Variants in DPP10 observed in about 807,000 individuals in gnomAD.
DPP10 encodes dipeptidyl peptidase like 10.
DPP10 carries 33 observed loss-of-function variants against 120.9 expected under a neutral mutation model. The ratio of observed to expected loss-of-function variants is 0.27; its 90% CI spans 0.21 to 0.37. DPP10 has a LOEUF of 0.37. Ranked by LOEUF, DPP10 falls within the 10% of genes least tolerant of loss-of-function variation. The pLI is 1.00. For missense variants in DPP10, 816 were observed against 942.8 expected (o/e 0.87, Z 1.76); for synonymous variants, 337 against 326.1 (o/e 1.03, Z -0.36).
intron 1 of DPP10, among the ~76,000 whole-genome samples, chr2:115,229,756 G>C (rs1485466867): frequency 7.6e-6 from 1 of 130,728 alleles, no homozygotes; most frequent in Non-Finnish European, 1.7e-5. Flanking sequence ...TATTCTATTG[G>C]TCTATGTTTC....
At chr2:115,120,668 T>C (rs1017798832) in intron 1 of DPP10, among the ~76,000 whole-genome samples, 2 of 152,206 alleles carry the variant, frequency 1.3e-5, no homozygotes, top group South Asian at 2.1e-4. Flanking sequence ...TAATAACCTT[T>C]ACAATTTTAC....
chr2:115,309,148 T>C (rs2061480914), intron 1 of DPP10, 91 bp from the exon 2 acceptor site: 9 of 945,650 alleles, frequency 9.5e-6, no homozygotes, highest in Non-Finnish European at 1.6e-6. Context: ...GCTTTCAAAC[T>C]GTGATTGTGC....
chr2:114,575,588 A>G (rs1466423532), intron 1 of DPP10, among the ~76,000 whole-genome samples: 1 of 152,216 alleles, frequency 6.6e-6, no homozygotes, highest in African/African-American at 2.4e-5. Context: ...TGCATCTTAT[A>G]TGAATTAATA....
At chr2:115,024,267 G>A (rs759338127) in intron 1 of DPP10, among the ~76,000 whole-genome samples, 22 of 152,058 alleles carry the variant, frequency 1.4e-4, no homozygotes, top group Admixed American at 2.0e-4. Flanking sequence ...AATCTTAACA[G>A]TCTCCTATTT....
chr2:115,475,143 C>A (rs897725600), intron 3 of DPP10, among the ~76,000 whole-genome samples: 5 of 152,122 alleles, frequency 3.3e-5, no homozygotes, highest in Non-Finnish European at 5.9e-5. Context: ...ATTTCAGAGA[C>A]CTCCATGGCA....
chr2:115,340,702 G>C (rs1208981001), intron 2 of DPP10, among the ~76,000 whole-genome samples: 1 of 151,286 alleles, frequency 6.6e-6, no homozygotes, highest in Non-Finnish European at 1.5e-5. Flanking sequence ...AACTCATTAG[G>C]AACAAACTAA....
intron 1 of DPP10, among the ~76,000 whole-genome samples, chr2:115,097,295 T>G (rs2048450100): frequency 6.6e-6 from 1 of 152,202 alleles, no homozygotes; most frequent in Non-Finnish European, 1.5e-5. Context: ...TGATTCCAGT[T>G]AAAGACCAAA....
intron 1 of DPP10, among the ~76,000 whole-genome samples, chr2:114,631,415 A>T (rs1359505152): frequency 6.6e-6 from 1 of 152,164 alleles, no homozygotes; most frequent in Non-Finnish European, 1.5e-5. Flanking sequence ...GGGAGGAGTT[A>T]ACAGGAGAAA....
intron 1 of DPP10, among the ~76,000 whole-genome samples, chr2:114,461,238 A>C (rs13426538): frequency 0.065 from 9,841 of 152,250 alleles, 552 homozygotes; most frequent in African/African-American, 0.15. Flanking sequence ...TTGTGAAGTT[A>C]GGAATTGGCT....
intron 1 of DPP10, among the ~76,000 whole-genome samples, chr2:115,133,235 G>C (rs1046758449): frequency 9.8e-5 from 14 of 142,180 alleles, no homozygotes; most frequent in African/African-American, 3.7e-4. Flanking sequence ...CTGGAGTGCA[G>C]TGGTGAAATC....
At chr2:115,375,500 C>A (rs2065725718) in intron 3 of DPP10, among the ~76,000 whole-genome samples, 1 of 152,192 alleles carries the variant, frequency 6.6e-6, no homozygotes, top group Non-Finnish European at 1.5e-5. Flanking sequence ...CTTCTGACCC[C>A]TCCAAATTGC....
intron 1 of DPP10, among the ~76,000 whole-genome samples, chr2:114,961,375 A>C (rs1296010698): frequency 6.6e-6 from 1 of 151,834 alleles, no homozygotes; most frequent in Non-Finnish European, 1.5e-5. Context: ...TTTTTATAAC[A>C]TTATCTTATG....
At chr2:114,898,619 A>C (rs1368487258) in intron 1 of DPP10, among the ~76,000 whole-genome samples, 2 of 152,180 alleles carry the variant, frequency 1.3e-5, no homozygotes, top group Non-Finnish European at 2.9e-5. Flanking sequence ...TAATTTAGTC[A>C]ATACTTACAT....
At chr2:115,130,622 C>A (rs1016737093) in intron 1 of DPP10, among the ~76,000 whole-genome samples, 2 of 152,068 alleles carry the variant, frequency 1.3e-5, no homozygotes, top group Non-Finnish European at 2.9e-5. Flanking sequence ...CTTCAACTAC[C>A]AGATCCAGAG....
chr2:115,288,416 A>G (rs879654959), intron 1 of DPP10, among the ~76,000 whole-genome samples: 1 of 151,996 alleles, frequency 6.6e-6, no homozygotes, highest in Non-Finnish European at 1.5e-5. Flanking sequence ...ACATCTCTTT[A>G]TGATAAAAAC....
intron 5 of DPP10, among the ~76,000 whole-genome samples, chr2:115,577,880 A>G (rs550803836): frequency 5.9e-5 from 9 of 152,296 alleles, no homozygotes; most frequent in Admixed American, 5.2e-4. Context: ...AAGACCCTGT[A>G]TCTAAATGCA....
intron 3 of DPP10, among the ~76,000 whole-genome samples, chr2:115,355,682 A>G (rs2064333144): frequency 6.6e-6 from 1 of 151,974 alleles, no homozygotes. Flanking sequence ...GGTTTTTAGT[A>G]TGTTGGGTTT....
chr2:115,307,211 A>C (rs2061392130), intron 1 of DPP10, among the ~76,000 whole-genome samples: 1 of 152,102 alleles, frequency 6.6e-6, no homozygotes, highest in Non-Finnish European at 1.5e-5. Context: ...ACATAATAAT[A>C]TATATAAGCT....
chr2:114,684,492 T>A (rs1699239593), intron 1 of DPP10, among the ~76,000 whole-genome samples: 1 of 152,018 alleles, frequency 6.6e-6, no homozygotes, highest in Non-Finnish European at 1.5e-5. Context: ...TGGGCTGGTT[T>A]TACAATGCTA....
Sources: gnomAD v4.1 joint callset for allele counts (sites outside exome capture counted in the v4.1 genomes callset) on GRCh38, gnomAD v4.1.1 for gene constraint, MANE v1.5 for transcripts, NCBI Gene and HGNC (gene_info 2026-07-23, HGNC 2026-07-21) for gene names.